Variants in OR7C1 observed in about 807,000 individuals in gnomAD.
OR7C1 encodes the protein olfactory receptor family 7 subfamily C member 1.
For missense variants in OR7C1, 324 were observed against 383.3 expected (o/e 0.85, Z 1.29); for synonymous variants, 152 against 160.7 (o/e 0.95, Z 0.41).
intron 2 of OR7C1, among the ~76,000 whole-genome samples, chr19:14,801,221 G>A (rs1280993568): frequency 6.6e-6 from 1 of 152,162 alleles, no homozygotes; most frequent in African/African-American, 2.4e-5. Context: ...CAAAACAGGA[G>A]CTCAATAACT....
At chr19:14,829,279 C>T (rs1315902221) in intron 1 of OR7C1, among the ~76,000 whole-genome samples, 5 of 152,250 alleles carry the variant, frequency 3.3e-5, no homozygotes, top group Non-Finnish European at 7.3e-5. Context: ...TCTCAGATCA[C>T]TGCAACCTCC....
intron 1 of OR7C1, among the ~76,000 whole-genome samples, chr19:14,819,672 C>T (rs1347064387): frequency 2.0e-5 from 3 of 152,152 alleles, no homozygotes; most frequent in Admixed American, 1.3e-4. Context: ...CTTATACCCA[C>T]GTTGAGATTT....
chr19:14,832,371 TTCCCTCCTTCCCTCCC>T (rs1038743818), intron 1 of OR7C1, among the ~76,000 whole-genome samples: 40 of 152,004 alleles, frequency 2.6e-4, no homozygotes, highest in African/African-American at 9.4e-4. Context: ...ATGTATTTTT[TTCCCTCCTTCCCTCCC>T]TCCCTCCCTT....
intron 1 of OR7C1, among the ~76,000 whole-genome samples, chr19:14,812,537 A>G (rs1346696197): frequency 1.3e-5 from 2 of 152,088 alleles, no homozygotes; most frequent in Admixed American, 6.6e-5. Flanking sequence ...TGCTCAAATC[A>G]ATCATGACCC....
chr19:14,803,307 CAAAAAA>C (rs553496845), intron 2 of OR7C1, among the ~76,000 whole-genome samples: 1 of 83,592 alleles, frequency 1.2e-5, no homozygotes. Context: ...ACTATGTCTC[CAAAAAA>C]AAAAAAAAAA....
At chr19:14,801,070 G>T (rs2044639581) in intron 2 of OR7C1, among the ~76,000 whole-genome samples, 1 of 152,122 alleles carries the variant, frequency 6.6e-6, no homozygotes, top group South Asian at 2.1e-4. Context: ...GAACCCCAGG[G>T]TATATACTCC....
intron 1 of OR7C1, among the ~76,000 whole-genome samples, chr19:14,829,602 T>C (rs1416286309): frequency 6.6e-6 from 1 of 152,182 alleles, no homozygotes; most frequent in Non-Finnish European, 1.5e-5. Context: ...CAGAGGATGT[T>C]GCAGAATAAG....
At chr19:14,816,988 G>A (rs1220366588) in intron 1 of OR7C1, among the ~76,000 whole-genome samples, 1 of 152,158 alleles carries the variant, frequency 6.6e-6, no homozygotes, top group Non-Finnish European at 1.5e-5. Context: ...GTAAGTTCCA[G>A]CAGTAAGAGG....
intron 1 of OR7C1, among the ~76,000 whole-genome samples, chr19:14,817,050 T>C (rs1206267359): frequency 6.6e-6 from 1 of 151,612 alleles, no homozygotes; most frequent in Non-Finnish European, 1.5e-5. Flanking sequence ...GAGAATACAA[T>C]AGAGAAAAAA....
At chr19:14,808,489 G>A (rs2044676182) in intron 2 of OR7C1, among the ~76,000 whole-genome samples, 2 of 151,952 alleles carry the variant, frequency 1.3e-5, no homozygotes, top group South Asian at 4.1e-4. Flanking sequence ...GGAACTGGAG[G>A]CCATTATCCT....
In OR7C1 at chr19:14,801,517, T is replaced by G. The variant is rs113259495; in HGVS notation, c.-434-753A>C. 4.6e-3 allele frequency among the ~76,000 whole-genome samples: 699 copies of G among 152,328 alleles called. 5 individuals carry two copies. Among genetic ancestry groups the G allele is most frequent in the African/African-American group, 0.016 (657 of 41,574 alleles). On this transcript the variant is annotated intron_variant, in intron 2 of 4. Transcript: ENST00000641666. ...TTATAGGTACTGCGTATTAAATTAATGCGATTTTAGGATATATTTTGAATT... is the reference window on the plus strand; with the variant it reads ...TTATAGGTACTGCGTATTAAATTAAGGCGATTTTAGGATATATTTTGAATT...
At position 14,810,631 on chromosome 19, in the gene OR7C1, C is replaced by T. The variant is rs1024491207; in HGVS notation, c.-622-638G>A. Among the ~76,000 whole-genome samples, 26 of 151,380 alleles carry T rather than the reference C, an allele frequency of 1.7e-4. 2 individuals carry two copies. The highest frequency in any genetic ancestry group is 4.6e-4 in the African/African-American group (19 of 41,014). The stretch of plus-strand genomic sequence containing the variant: ...CAATCTCCTGACCTCATGATCCGCC[C>T]GCCTCAGCCTCCCAAAGTGCTGGGA... On this transcript the variant is annotated intron_variant, in intron 1 of 4. Transcript: ENST00000641666.
intron 2 of OR7C1, among the ~76,000 whole-genome samples, chr19:14,801,470 G>C (rs2044641448): frequency 6.6e-6 from 1 of 152,026 alleles, no homozygotes; most frequent in Non-Finnish European, 1.5e-5. Flanking sequence ...AAAATATTTT[G>C]GTAAAATATG....
intron 1 of OR7C1, among the ~76,000 whole-genome samples, chr19:14,819,933 G>C (rs1034996886): frequency 6.6e-5 from 10 of 152,050 alleles, no homozygotes; most frequent in African/African-American, 2.4e-4. Flanking sequence ...TAGAGATACA[G>C]TCTCGCTCTG....
chr19:14,823,402 A>C (rs2044750391), intron 1 of OR7C1, among the ~76,000 whole-genome samples: 2 of 152,220 alleles, frequency 1.3e-5, no homozygotes, highest in Non-Finnish European at 2.9e-5. Flanking sequence ...TGGTGAGCCA[A>C]GGTTGTGCCA....
At chr19:14,829,786 T>C (rs2044813157) in intron 1 of OR7C1, among the ~76,000 whole-genome samples, 1 of 152,160 alleles carries the variant, frequency 6.6e-6, no homozygotes, top group Non-Finnish European at 1.5e-5. Context: ...TCCTTTATAA[T>C]AAAATATATT....
At position 14,815,784 on chromosome 19, in the gene OR7C1, C is replaced by CGTGTGTGTGTGT. The variant is rs34655691; in HGVS notation, c.-622-5803_-622-5792dup. 5.3e-4 allele frequency among the ~76,000 whole-genome samples: 78 copies of CGTGTGTGTGTGT among 146,726 alleles called. 1 individual carries two copies. Among genetic ancestry groups the CGTGTGTGTGTGT allele is most frequent in the Middle Eastern group, 3.4e-3 (1 of 290 alleles). On this transcript the variant is annotated intron_variant, in intron 1 of 4. Transcript: ENST00000641666. ...GTTTCCTTGAGTCTCTGAGTTTGTG[C>CGTGTGTGTGTGT]GTGTGTGTGTGTGTGTGTGTGTGTG...
intron 1 of OR7C1, chr19:14,827,871 A>C (rs1267526890): frequency 3.7e-6 from 6 of 1,614,238 alleles, no homozygotes; most frequent in African/African-American, 1.3e-5. Flanking sequence ...ACAGATGGCC[A>C]CAAACCGGTC....
intron 1 of OR7C1, among the ~76,000 whole-genome samples, chr19:14,812,675 T>A (rs1240864492): frequency 6.6e-6 from 1 of 151,898 alleles, no homozygotes; most frequent in Non-Finnish European, 1.5e-5. Flanking sequence ...CTTCACTATC[T>A]CGGTGTCTGA....
Sources: gnomAD v4.1 joint callset for allele counts (sites outside exome capture counted in the v4.1 genomes callset) on GRCh38, gnomAD v4.1.1 for gene constraint, MANE v1.5 for transcripts, NCBI Gene and HGNC (gene_info 2026-07-23, HGNC 2026-07-21) for gene names.